Variants in RIPOR1 observed in about 807,000 individuals in gnomAD.
RIPOR1 encodes the protein RHO family interacting cell polarization regulator 1, also known as rho family-interacting cell polarization regulator 1.
A neutral mutation model predicts 116.5 loss-of-function variants in RIPOR1; 58 were observed. The observed-to-expected ratio is 0.50, with a 90% confidence interval of 0.40 to 0.62. The LOEUF is 0.62. Among genes scored for constraint, RIPOR1 ranks in the 20% least tolerant of loss-of-function variants. The pLI, the probability that RIPOR1 is intolerant of heterozygous loss-of-function variation, is 0.00. For missense variants in RIPOR1, 1,372 were observed against 1,586.2 expected (o/e 0.86, Z 2.29); for synonymous variants, 605 against 650.0 (o/e 0.93, Z 1.05).
In RIPOR1 at chr16:67,530,538, G is replaced by A. The variant is rs2050633302; in HGVS notation, c.-24+1624G>A. 6.6e-6 allele frequency among the ~76,000 whole-genome samples: 1 copy of A among 152,188 alleles called. No homozygotes were observed. Among genetic ancestry groups the A allele is most frequent in the Non-Finnish European group, 1.5e-5 (1 of 68,008 alleles). ...TTTTTAGCCTCTGTTTACCTCGGTC[G>A]GGGCGGCCCCGGGGTGGGGCGGGGC... On this transcript the variant is annotated intron_variant, in intron 1 of 21. Coordinates refer to ENST00000042381, the MANE Select transcript of RIPOR1 (RefSeq NM_024519.4). This position sits in a 1 kb window ranked among gnomAD's most constrained non-coding sequence, Gnocchi z 4.5.
chr16:67,543,574 GGA>G lies in RIPOR1; in HGVS notation c.2600+106_2600+107del. The G allele has an allele frequency of 6.7e-7, 1 of 1,487,710 alleles. No homozygotes were observed. Among genetic ancestry groups the G allele is most frequent in the Non-Finnish European group, 9.0e-7 (1 of 1,109,366 alleles). 92.2% of individuals were successfully genotyped at this position (1,487,710 alleles called of 1,614,324 possible). On this transcript the variant is annotated intron_variant, in intron 14 of 21. Transcript: ENST00000042381. This position sits in a 1 kb window ranked among gnomAD's most constrained non-coding sequence, Gnocchi z 4.7. ...TGAATTGGGAGAAAGTCAAAGGACA[GGA>G]CAGGTGAGGCAGGGCCAGGTGGAGC...
chr16:67,523,242 CTA>C (rs895659646), intron 1 of RIPOR1, among the ~76,000 whole-genome samples: 2 of 152,070 alleles, frequency 1.3e-5, no homozygotes, highest in African/African-American at 4.8e-5. Flanking sequence ...CACTGCGGGA[CTA>C]TGTCATCCCT....
rs2142561780 is a variant in RIPOR1 at position 67,542,057 on chromosome 16, C to T, written c.1271C>T (p.Ser424Phe). The T allele has an allele frequency of 6.2e-7, 1 of 1,606,580 alleles. No individual in the cohort carries two copies. Among genetic ancestry groups the T allele is most frequent in the Non-Finnish European group, 8.5e-7 (1 of 1,174,318 alleles). ...VAFRRPETPS[S>F]GPLDEEGAVA... is the part of the protein sequence containing the mutation. Reference sequence around the variant, plus strand: ...TTCCGCAGGCCTGAGACCCCCAGCTCTGGGCCCTTGGATGAGGAGGGGGCC... The same window carrying T: ...TTCCGCAGGCCTGAGACCCCCAGCTTTGGGCCCTTGGATGAGGAGGGGGCC... The change falls in exon 13 of 22, where the codon TCT (serine) becomes TTT (phenylalanine). Residue 424 changes from serine (S) to phenylalanine (F), a missense_variant. Physicochemically the swap from Ser to Phe is radical, Grantham distance 155. This residue lies in a region of RIPOR1 where 1,005 missense variants were observed against 1,144.7 expected (regional missense o/e 0.88). Coordinates refer to ENST00000042381, the MANE Select transcript of RIPOR1 (RefSeq NM_024519.4). This position sits in a 1 kb window ranked among gnomAD's most constrained non-coding sequence, Gnocchi z 4.6.
intron 4 of RIPOR1, 80 bp from the exon 5 acceptor site, chr16:67,539,648 A>G: frequency 6.6e-7 from 1 of 1,513,608 alleles, no homozygotes; most frequent in South Asian, 1.1e-5. Context: ...GAGAAAGGGG[A>G]GCTGTGACGA....
intron 4 of RIPOR1, chr16:67,539,483 CT>C: frequency 3.4e-6 from 2 of 590,898 alleles, no homozygotes; most frequent in Non-Finnish European, 3.0e-6. Context: ...CCCCAGGCGG[CT>C]GCAGGAAAAG....
Position 67,543,736 on chromosome 16 carries a change from G to T in RIPOR1, c.2600+267G>T. On this transcript the variant is annotated intron_variant, in intron 14 of 21. Coordinates refer to ENST00000042381, the MANE Select transcript of RIPOR1 (RefSeq NM_024519.4). This position sits in a 1 kb window ranked among gnomAD's most constrained non-coding sequence, Gnocchi z 4.7. ...CATCTCTGCAATGTCTGCCTCCCCT[G>T]CCGGTCCCCATCAGCTTGGGTGCCT... The T allele has an allele frequency of 1.9e-6, 1 of 520,126 alleles. No homozygotes were observed. Among genetic ancestry groups the T allele is most frequent in the Non-Finnish European group, 3.5e-6 (1 of 288,062 alleles). 32.2% of individuals were successfully genotyped at this position (520,126 alleles called of 1,614,324 possible). A position where few individuals can be genotyped will look rare whatever the true frequency, so the allele number is the denominator to read the frequency against.
rs1402563312 is a variant in RIPOR1 at position 67,542,882 on chromosome 16, C to T, written c.2096C>T (p.Pro699Leu). Reference sequence around the variant, plus strand: ...TCCAAACACTCAGACCCCACCCTCCCAGGCACTGACTCCCTTCCCTGTAGT... The same window carrying T: ...TCCAAACACTCAGACCCCACCCTCCTAGGCACTGACTCCCTTCCCTGTAGT... Reference protein sequence around the residue: ...SPSKHSDPTLPGTDSLPCSPP... With the variant: ...SPSKHSDPTLLGTDSLPCSPP... Residue 699 changes from proline (P) to leucine (L), a missense_variant, in exon 13 of 22, where the codon CCA becomes CTA. Pro to Leu is a moderately conservative substitution (Grantham distance 98). Coordinates refer to ENST00000042381, the MANE Select transcript of RIPOR1 (RefSeq NM_024519.4). The surrounding 1 kb of genome is among the most constrained non-coding windows in gnomAD (Gnocchi z 4.6). The T allele has an allele frequency of 1.2e-6, 2 of 1,612,712 alleles. No individual in the cohort carries two copies. Among genetic ancestry groups the T allele is most frequent in the East Asian group, 2.2e-5 (1 of 44,890 alleles).
intron 1 of RIPOR1, among the ~76,000 whole-genome samples, chr16:67,521,670 T>TC (rs1254803388): frequency 6.6e-6 from 1 of 151,364 alleles, no homozygotes; most frequent in Non-Finnish European, 1.5e-5. Context: ...AGCTCACAGC[T>TC]CCCCCTGGAG....
chr16:67,545,023 C>G lies in RIPOR1; in HGVS notation c.2937C>G (p.Ser979Arg), dbSNP rs752101982. The change falls in exon 17 of 22, where the codon AGC becomes AGG. Residue 979 changes from serine to arginine, a missense_variant. Physicochemically the swap from Ser to Arg is moderately radical, Grantham distance 110. Transcript: ENST00000042381. This position sits in a 1 kb window ranked among gnomAD's most constrained non-coding sequence, Gnocchi z 4.8. ...GGGACCAGTGCACAGAGAGACTCAGCTGCTTCCTCTGCCCGGTGGAGCGGG... is the reference window on the plus strand; with the variant it reads ...GGGACCAGTGCACAGAGAGACTCAGGTGCTTCCTCTGCCCGGTGGAGCGGG... ...TFWDQCTERL[S>R]CFLCPVERVL... 2 of 1,613,692 alleles carry G rather than the reference C, an allele frequency of 1.2e-6. No individual in the cohort carries two copies. The highest frequency in any genetic ancestry group is 4.5e-5 in the East Asian group (2 of 44,880).
rs2050585949 is a variant in RIPOR1, at chr16:67,529,082, C to G, written c.-24+168C>G. Among the ~76,000 whole-genome samples the G allele has an allele frequency of 6.6e-6, 1 of 152,168 alleles. No homozygotes were observed. Among genetic ancestry groups the G allele is most frequent in the Non-Finnish European group, 1.5e-5 (1 of 68,002 alleles). On this transcript the variant is annotated intron_variant, in intron 1 of 21. Transcript: ENST00000042381. This position sits in a 1 kb window ranked among gnomAD's most constrained non-coding sequence, Gnocchi z 4.1. ...GCGCCTTGTCTTTCCTCCCCTCCCC[C>G]CGGGCGTGGAGAACGCAGCTTCTCC...
chr16:67,532,858 G>T (rs987107356), intron 1 of RIPOR1, among the ~76,000 whole-genome samples: 1 of 152,202 alleles, frequency 6.6e-6, no homozygotes, highest in Non-Finnish European at 1.5e-5. Flanking sequence ...ACAATTTTAA[G>T]GTCAGTGTTG....
At chr16:67,522,795 C>T (rs1041087713) in intron 1 of RIPOR1, among the ~76,000 whole-genome samples, 4 of 152,064 alleles carry the variant, frequency 2.6e-5, no homozygotes, top group African/African-American at 9.7e-5. Flanking sequence ...CTCCCAGCCC[C>T]CCAACCCCCC....
At chr16:67,538,918 C>G in intron 3 of RIPOR1, 72 bp from the exon 4 acceptor site, 1 of 1,609,772 alleles carries the variant, frequency 6.2e-7, no homozygotes, top group Non-Finnish European at 8.5e-7. Context: ...ATGCCCTCTC[C>G]CTGCTGTCTG....
chr16:67,545,420 A>G lies in RIPOR1; in HGVS notation c.3076A>G (p.Arg1026Gly). ...LEDALGQKLP[R>G]RPQPGPGEQL... The stretch of plus-strand genomic sequence containing the variant: ...GGATGCCCTGGGGCAGAAGCTGCCC[A>G]GAAGGCCCCAGCCAGGGCCTGGAGA... The change falls in exon 18 of 22, where the codon AGA (arginine) becomes GGA (glycine). Residue 1026 changes from arginine to glycine, a missense_variant. By Grantham distance (125) the Arg-to-Gly change is moderately radical. Transcript: ENST00000042381. The surrounding 1 kb of genome is among the most constrained non-coding windows in gnomAD (Gnocchi z 4.8). 6.2e-7 allele frequency: 1 copy of G among 1,614,038 alleles called. No homozygotes were observed. The highest frequency in any genetic ancestry group is 8.5e-7 in the Non-Finnish European group (1 of 1,180,030).
rs2050597326 is a variant in RIPOR1 at position 67,529,513 on chromosome 16, G to T, written c.-24+599G>T. 3 of 405,504 alleles carry T rather than the reference G, an allele frequency of 7.4e-6. No homozygotes were observed. The highest frequency in any genetic ancestry group is 1.0e-4 in the South Asian group (2 of 19,284). The allele number at this position is 405,504 out of a possible 1,614,324, so 25.1% of individuals were successfully genotyped here. On this transcript the variant is annotated intron_variant, in intron 1 of 21. Transcript: ENST00000042381. The surrounding 1 kb of genome is among the most constrained non-coding windows in gnomAD (Gnocchi z 4.1). ...GAGCTTTTCCCTGGAAATGGAGGTT[G>T]GCGCAAGGTTCCTGCAACAGCCGGG...
Position 67,541,395 on chromosome 16 carries a change from AC to A in RIPOR1, c.802-32del. On this transcript the variant is annotated intron_variant, in intron 10 of 21. Coordinates refer to ENST00000042381, the MANE Select transcript of RIPOR1 (RefSeq NM_024519.4). This position sits in a 1 kb window ranked among gnomAD's most constrained non-coding sequence, Gnocchi z 4.6. ...TTTCCCATGATCTCATAGCCCCTGCACCCTTGTGACCCTACCATGCACTCTT... is the reference window on the plus strand; with the variant it reads ...TTTCCCATGATCTCATAGCCCCTGCACCTTGTGACCCTACCATGCACTCTT... The A allele has an allele frequency of 1.9e-6, 3 of 1,599,782 alleles. No individual in the cohort carries two copies. Among genetic ancestry groups the A allele is most frequent in the Non-Finnish European group, 2.6e-6 (3 of 1,171,362 alleles).
At chr16:67,519,772 G>T (rs1205470913) in intron 1 of RIPOR1, among the ~76,000 whole-genome samples, 2 of 152,036 alleles carry the variant, frequency 1.3e-5, no homozygotes, top group Admixed American at 1.3e-4. Context: ...GGAACAAAAA[G>T]GAGGCTCTGG....
Position 67,537,578 on chromosome 16 carries a change from C to A in RIPOR1, c.-23-846C>A. On this transcript the variant is annotated intron_variant, in intron 1 of 21. Coordinates refer to ENST00000042381, the MANE Select transcript of RIPOR1 (RefSeq NM_024519.4). The surrounding 1 kb of genome is among the most constrained non-coding windows in gnomAD (Gnocchi z 4.6). ...GGGTCGGGGGCCGTCCCGGACCCACCATGAACACCAAGAAGAGAGGTAGGA... is the reference window on the plus strand; with the variant it reads ...GGGTCGGGGGCCGTCCCGGACCCACAATGAACACCAAGAAGAGAGGTAGGA... 1 of 1,420,648 alleles carries A rather than the reference C, an allele frequency of 7.0e-7. No individual in the cohort carries two copies. The highest frequency in any genetic ancestry group is 9.2e-7 in the Non-Finnish European group (1 of 1,086,178). 88.0% of individuals were successfully genotyped at this position (1,420,648 alleles called of 1,614,324 possible).
At position 67,545,758 on chromosome 16, in the gene RIPOR1, G is replaced by C; in HGVS notation, c.3285G>C (p.Leu1095=). The C allele has an allele frequency of 6.2e-7, 1 of 1,612,464 alleles. No homozygotes were observed. Among genetic ancestry groups the C allele is most frequent in the Non-Finnish European group, 8.5e-7 (1 of 1,179,292 alleles). The change falls in exon 19 of 22, where the codon CTG becomes CTC. Residue 1095 remains leucine (L), a synonymous_variant. Coordinates refer to ENST00000042381, the MANE Select transcript of RIPOR1 (RefSeq NM_024519.4). This position sits in a 1 kb window ranked among gnomAD's most constrained non-coding sequence, Gnocchi z 4.8. ...AGGGGCGTCTGCGAAGGGACGGGCTGCGGGCCCTCAGCTCCCTGCTCGTCC... is the reference window on the plus strand; with the variant it reads ...AGGGGCGTCTGCGAAGGGACGGGCTCCGGGCCCTCAGCTCCCTGCTCGTCC... The part of the protein sequence containing the change: ...APEGRLRRDG[L]RALSSLLVHG...
Sources: gnomAD v4.1 joint callset for allele counts (sites outside exome capture counted in the v4.1 genomes callset) on GRCh38, gnomAD v4.1.1 for gene constraint, gnomAD v4.1.1 regional missense constraint, Gnocchi (gnomAD v3.1) non-coding constraint, MANE v1.5 for transcripts, NCBI Gene and HGNC (gene_info 2026-07-23, HGNC 2026-07-21) for gene names.